Variants in KRT26 observed in about 807,000 individuals in gnomAD.
The protein encoded by KRT26 is keratin 26, also known as keratin, type I cytoskeletal 26.
Under a neutral mutation model 46.1 loss-of-function variants are expected in KRT26, and 45 were observed. The ratio of observed to expected loss-of-function variants is 0.98; its 90% CI spans 0.77 to 1.25. The LOEUF is 1.25. KRT26 is among the 50% of genes most tolerant of loss of function. The pLI, the probability that KRT26 is intolerant of heterozygous loss-of-function variation, is 0.00. For missense variants in KRT26, 582 were observed against 560.1 expected (o/e 1.04, Z -0.39); for synonymous variants, 191 against 209.9 (o/e 0.91, Z 0.78).
At chr17:40,771,225 C>T (rs983307855) in exon 2 of KRT26, 11 of 1,596,256 alleles carry the variant, frequency 6.9e-6, no homozygotes, top group Middle Eastern at 1.7e-4. Context: ...TGCAGATGGT[C>T]GCAGAAATAA....
Position 40,769,896 on chromosome 17 carries a change from G to A in KRT26, c.844-17C>T, listed in dbSNP as rs767385162. The A allele has an allele frequency of 1.1e-5, 17 of 1,614,012 alleles. No individual in the cohort carries two copies. The highest frequency in any genetic ancestry group is 6.7e-5 in the East Asian group (3 of 44,894). On this transcript the variant is annotated splice_polypyrimidine_tract_variant and intron_variant, in intron 4 of 7. Coordinates refer to ENST00000335552, the Ensembl canonical transcript of KRT26. The stretch of plus-strand genomic sequence containing the variant: ...CGTTGCACTCTGAAGTGTAATTGTC[G>A]AAAGGGTTAGTGACTGGCCTGATTG...
chr17:40,766,682 TA>T lies in KRT26; in HGVS notation c.1256-17del. The T allele has an allele frequency of 6.3e-7, 1 of 1,585,066 alleles. No homozygotes were observed. Among genetic ancestry groups the T allele is most frequent in the South Asian group, 1.1e-5 (1 of 89,708 alleles). On this transcript the variant is annotated splice_polypyrimidine_tract_variant and intron_variant, in intron 7 of 7. Transcript: ENST00000335552. ...TCTGTTGAGTCTAAAATAAAATAAATAAAACATTAGTGGTCATTTTTTAACA... is the reference window on the plus strand; with the variant it reads ...TCTGTTGAGTCTAAAATAAAATAAATAAACATTAGTGGTCATTTTTTAACA...
chr17:40,767,702 A>G, intron 6 of KRT26, 49 bp from the exon 7 acceptor site: 1 of 1,036,400 alleles, frequency 9.6e-7, no homozygotes, highest in South Asian at 1.4e-5. Flanking sequence ...TTCCTTAGTG[A>G]GCTTATAAAT....
At chr17:40,770,154 G>A in intron 3 of KRT26, 32 bp from the exon 4 acceptor site, 1 of 1,613,794 alleles carries the variant, frequency 6.2e-7, no homozygotes. Flanking sequence ...ATCCTCAGTG[G>A]AGGATTTTGA....
Position 40,769,567 on chromosome 17 carries a change from G to A in KRT26, c.969+187C>T, listed in dbSNP as rs2038201223. On this transcript the variant is annotated intron_variant, in intron 5 of 7. Transcript: ENST00000335552. ...CAAGATTTAAAAAAATTCCTCTATT[G>A]TAAAAAGGCATTTTTCAAGTTTTGG... is the stretch of plus-strand genomic sequence containing the variant. Among the ~76,000 whole-genome samples, 4 of 152,220 alleles carry A rather than the reference G, an allele frequency of 2.6e-5. No individual in the cohort carries two copies. The South Asian group carries it at 8.3e-4, about 32-fold the overall frequency.
chr17:40,769,560 C>T (rs1469511311), intron 5 of KRT26, among the ~76,000 whole-genome samples, 194 bp downstream of exon 5: 6 of 152,028 alleles, frequency 3.9e-5, no homozygotes, highest in South Asian at 2.1e-4. Flanking sequence ...AAAAAAATTC[C>T]TCTATTGTAA....
intron 5 of KRT26, 35 bp downstream of exon 5, chr17:40,769,719 C>A (rs751525995): frequency 1.2e-6 from 2 of 1,607,582 alleles, no homozygotes; most frequent in East Asian, 4.5e-5. Context: ...TACATATTCA[C>A]ACATATATTC....
intron 1 of KRT26, 147 bp downstream of exon 1, chr17:40,771,526 T>G: frequency 1.5e-6 from 1 of 680,516 alleles, no homozygotes; most frequent in Admixed American, 3.0e-5. Context: ...CAAGATTTTA[T>G]TGCCAGGTAC....
chr17:40,771,077 G>T, intron 2 of KRT26, 77 bp downstream of exon 2: 1 of 866,710 alleles, frequency 1.2e-6, no homozygotes, highest in Non-Finnish European at 1.7e-6. Context: ...GGTTTTCAAA[G>T]CAAAATATAT....
At position 40,767,903 on chromosome 17, in the gene KRT26, C is replaced by T. The variant is rs74957795; in HGVS notation, c.1188-250G>A. On this transcript the variant is annotated intron_variant, in intron 6 of 7. Coordinates refer to ENST00000335552, the Ensembl canonical transcript of KRT26. ...CTTTCATCTAGCAATATTTCTCACT[C>T]TGACTTTTCAATCAACTGGCCAGTG... is the stretch of plus-strand genomic sequence containing the variant. 8.1e-4 allele frequency among the ~76,000 whole-genome samples: 123 copies of T among 152,310 alleles called. 1 individual carries two copies. The highest frequency in any genetic ancestry group is 2.9e-3 in the African/African-American group (120 of 41,554).
At chr17:40,770,514 C>CCTG in intron 2 of KRT26, 105 bp from the exon 3 acceptor site, 3 of 858,848 alleles carry the variant, frequency 3.5e-6, no homozygotes, top group South Asian at 3.9e-5. Flanking sequence ...CTGTACATAC[C>CCTG]TCTGAAGCTT....
At chr17:40,770,080 C>A (rs778623364) in exon 4 of KRT26, 2 of 1,614,162 alleles carry the variant, frequency 1.2e-6, no homozygotes, top group South Asian at 2.2e-5. Flanking sequence ...TTCATCTCCA[C>A]GTTCACGTTC....
chr17:40,771,965 A>G, exon 1 of KRT26: 1 of 1,614,122 alleles, frequency 6.2e-7, no homozygotes, highest in Non-Finnish European at 8.5e-7. Flanking sequence ...TCCAGAAGAG[A>G]TGCCCTCAAG....
At chr17:40,771,014 CTTAT>C (rs943282634) in intron 2 of KRT26, 136 bp downstream of exon 2, 44 of 513,834 alleles carry the variant, frequency 8.6e-5, no homozygotes, top group African/African-American at 8.1e-4. Flanking sequence ...TTTATAACGG[CTTAT>C]TTAATTCAAT....
rs568640839 is a variant in KRT26, at chr17:40,769,779, A to G, written c.944T>C (p.Ile315Thr). ...CACAGCCATGAGGGACTGAAGTTCT[A>G]TTTCCAGGGTTTGCAGATTGCGTTT... Residue 315 changes from isoleucine (I) to threonine (T), a missense_variant, in exon 5 of 8, where the codon ATA becomes ACA. Ile to Thr is a moderately conservative substitution (Grantham distance 89, BLOSUM62 -1). Transcript: ENST00000335552. The G allele has an allele frequency of 5.0e-6, 8 of 1,614,132 alleles. No homozygotes were observed. In the African/African-American group the frequency reaches 6.7e-5, roughly 13 times the overall value.
intron 6 of KRT26, 81 bp from the exon 7 acceptor site, chr17:40,767,734 G>A (rs975079): frequency 0.13 from 95,462 of 722,498 alleles, 7,410 homozygotes; most frequent in Admixed American, 0.29. Flanking sequence ...GGAAATAAGA[G>A]TTTTGGAATT....
intron 5 of KRT26, 45 bp downstream of exon 5, chr17:40,769,709 T>C (rs764051653): frequency 5.6e-6 from 9 of 1,595,352 alleles, no homozygotes; most frequent in East Asian, 2.2e-5. Flanking sequence ...TATTGACTTA[T>C]ACATATTCAC....
chr17:40,766,276 C>A, exon 8 of KRT26: 1 of 329,468 alleles, frequency 3.0e-6, no homozygotes, highest in Non-Finnish European at 5.4e-6. Flanking sequence ...TCAAAAAAGG[C>A]CCCCAAAATA....
chr17:40,770,946 C>T (rs964043677), intron 2 of KRT26, among the ~76,000 whole-genome samples: 49 of 152,326 alleles, frequency 3.2e-4, no homozygotes, highest in African/African-American at 1.2e-3. Flanking sequence ...CCTGCCTCAG[C>T]CTCCCAAGGT....
Sources: gnomAD v4.1 joint callset for allele counts (sites outside exome capture counted in the v4.1 genomes callset) on GRCh38, gnomAD v4.1.1 for gene constraint, MANE v1.5 for transcripts, NCBI Gene and HGNC (gene_info 2026-07-23, HGNC 2026-07-21) for gene names.